The following ATP13A3 variants were observed in gnomAD, a reference collection of about 807,000 sequenced individuals.
ATP13A3 encodes ATPase 13A3.
ATP13A3 carries 59 observed loss-of-function variants against 158.1 expected under a neutral mutation model. That is an observed-to-expected ratio of 0.37 (90% CI 0.30 to 0.46). The LOEUF (loss-of-function observed/expected upper bound fraction) is 0.46, where lower values mean the gene tolerates loss of function less well. ATP13A3 is among the 20% of genes least tolerant of loss of function. The pLI, the probability that ATP13A3 is intolerant of heterozygous loss-of-function variation, is 1.00. For synonymous variants in ATP13A3, 491 were observed against 504.3 expected (o/e 0.97, Z 0.35); for missense variants, 1,166 against 1,525.2 (o/e 0.76, Z 3.92).
intron 30 of ATP13A3, among the ~76,000 whole-genome samples, chr3:194,421,362 G>C (rs1400128304): frequency 6.7e-6 from 1 of 148,324 alleles, no homozygotes; most frequent in African/African-American, 2.5e-5. Context: ...GACCATCCTG[G>C]CTAACACGGT....
At chr3:194,441,764 T>C (rs1041145048) in intron 15 of ATP13A3, among the ~76,000 whole-genome samples, 1 of 152,004 alleles carries the variant, frequency 6.6e-6, no homozygotes, top group African/African-American at 2.4e-5. Context: ...GCAAAGTGGG[T>C]AGCTGGTACT....
At position 194,434,583 on chromosome 3, in the gene ATP13A3, T is replaced by C. The variant is rs140000671; in HGVS notation, c.2121-687A>G. ...ACAAAAATAGTACGTGCTTTAGCAC[T>C]ATAAAAGAGATGAAGTCTGTTCAGT... On this transcript the variant is annotated intron_variant, in intron 20 of 33. Coordinates refer to ENST00000645319, the MANE Select transcript of ATP13A3 (RefSeq NM_001367549.1). Among the ~76,000 whole-genome samples the C allele has an allele frequency of 6.5e-3, 997 of 152,296 alleles. 3 individuals are homozygous for C. Among genetic ancestry groups the C allele is most frequent in the Non-Finnish European group, 0.01 (690 of 68,020 alleles).
At chr3:194,487,536 C>A (rs904838570), upstream of ATP13A3, 2 of 152,286 alleles carry the variant, frequency 1.3e-5, no homozygotes, top group Admixed American at 1.3e-4. Context: ...CGGCCGCAGG[C>A]GGAGGACAGG....
chr3:194,491,368 G>A (rs1023492495), upstream of ATP13A3, among the ~76,000 whole-genome samples: 1 of 152,110 alleles, frequency 6.6e-6, no homozygotes, highest in Non-Finnish European at 1.5e-5. Flanking sequence ...AAACCTGGGA[G>A]TCATTCTTTA....
chr3:194,454,481 CA>C, intron 8 of ATP13A3, 89 bp from the exon 9 acceptor site: 2 of 1,312,510 alleles, frequency 1.5e-6, no homozygotes, highest in Non-Finnish European at 2.1e-6. Context: ...CAAAAAGATA[CA>C]AATATGTACA....
chr3:194,467,747 G>A (rs1050867194), intron 2 of ATP13A3: 2 of 151,386 alleles, frequency 1.3e-5, no homozygotes, highest in African/African-American at 4.9e-5. Flanking sequence ...TTCAATGACT[G>A]AGAGGATAAA....
At position 194,404,041 on chromosome 3, in the gene ATP13A3, A is replaced by G. The variant is rs1049601965; in HGVS notation, c.*1878T>C. 1 of 437,774 alleles carries G rather than the reference A, an allele frequency of 2.3e-6. No individual in the cohort carries two copies. The highest frequency in any genetic ancestry group is 4.5e-6 in the Non-Finnish European group (1 of 221,376). 27.1% of individuals were successfully genotyped at this position (437,774 alleles called of 1,614,324 possible). A position where few individuals can be genotyped will look rare whatever the true frequency, so the allele number is the denominator to read the frequency against. ...TTTCATTATATGCTTCAGTACTTAA[A>G]CCAAAGAATAAAATGCACAATTGTG... On this transcript the variant is annotated 3_prime_UTR_variant, in exon 34 of 34. Transcript: ENST00000645319.
At chr3:194,477,993 C>T (rs556477457) in intron 2 of ATP13A3, among the ~76,000 whole-genome samples, 13 of 152,324 alleles carry the variant, frequency 8.5e-5, no homozygotes, top group African/African-American at 3.1e-4. Context: ...GAACTTAAAA[C>T]AGTGTCTTCA....
At chr3:194,464,057 A>C (rs931474447) in intron 2 of ATP13A3, among the ~76,000 whole-genome samples, 2 of 152,188 alleles carry the variant, frequency 1.3e-5, no homozygotes, top group Admixed American at 6.5e-5. Context: ...GCTACTCAGG[A>C]GGCTGAGGTG....
chr3:194,462,194 T>C lies in ATP13A3; in HGVS notation c.-4A>G. The stretch of plus-strand genomic sequence containing the variant: ...TCTTCCTTTCTTCCCTGTCCATACC[T>C]ACAGTGGATTAAAGGTCCAGTGCTT... On this transcript the variant is annotated 5_prime_UTR_variant, in exon 3 of 34. Transcript: ENST00000645319. The C allele has an allele frequency of 6.2e-7, 1 of 1,613,464 alleles. No individual in the cohort carries two copies. Among genetic ancestry groups the C allele is most frequent in the South Asian group, 1.1e-5 (1 of 91,060 alleles).
chr3:194,429,815 T>C, intron 26 of ATP13A3, 41 bp from the exon 27 acceptor site: 1 of 1,556,890 alleles, frequency 6.4e-7, no homozygotes, highest in Non-Finnish European at 8.8e-7. Context: ...AATAGAAGCA[T>C]TTTAAACTCC....
chr3:194,465,565 T>TTC (rs1719939334), intron 2 of ATP13A3, among the ~76,000 whole-genome samples: 1 of 152,174 alleles, frequency 6.6e-6, no homozygotes. Flanking sequence ...AGGAAGGGTA[T>TTC]TCGGGTTTTT....
chr3:194,417,396 G>GACACACACACACACACAC lies in ATP13A3; in HGVS notation c.3402+2465_3402+2482dup, dbSNP rs56119734. ...AGCCTGGGTACCAGAGCCAGATTCT[G>GACACACACACACACACAC]ACACACACACACACACACACACACA... On this transcript the variant is annotated intron_variant, in intron 31 of 33. Coordinates refer to ENST00000645319, the MANE Select transcript of ATP13A3 (RefSeq NM_001367549.1). Among the ~76,000 whole-genome samples the GACACACACACACACACAC allele has an allele frequency of 7.1e-4, 84 of 118,138 alleles. 1 individual carries two copies. The highest frequency in any genetic ancestry group is 2.3e-3 in the East Asian group (9 of 3,892). 77.5% of individuals were successfully genotyped at this position (118,138 alleles called of 152,430 possible).
intron 20 of ATP13A3, among the ~76,000 whole-genome samples, chr3:194,435,697 A>G (rs1717581514): frequency 1.3e-5 from 2 of 152,192 alleles, no homozygotes; most frequent in South Asian, 4.1e-4. Flanking sequence ...TCACAAGGTC[A>G]GGAGTTCGAG....
rs575503504 is a variant in ATP13A3, at chr3:194,428,647, T to C, written c.2947+198A>G. Among the ~76,000 whole-genome samples, 4 of 152,212 alleles carry C rather than the reference T, an allele frequency of 2.6e-5. No homozygotes were observed. The South Asian group carries it at 8.3e-4, about 32-fold the overall frequency. On this transcript the variant is annotated intron_variant, in intron 28 of 33. Transcript: ENST00000645319. ...TGACTCAAAACTTATTTTCAAATAT[T>C]TCAGGGAAAAAAATAGAGACAGAAC...
Position 194,462,793 on chromosome 3 carries a change from T to A in ATP13A3, c.-46-557A>T, listed in dbSNP as rs1297087581. 2.6e-5 allele frequency among the ~76,000 whole-genome samples: 4 copies of A among 152,224 alleles called. 1 individual carries two copies. The highest frequency in any genetic ancestry group is 2.1e-4 in the South Asian group (1 of 4,834). ...AAGTGCTAGCTGGTTCTAATGACAT[T>A]TTCAATGGGATACCAGTGCTTGAAT... On this transcript the variant is annotated intron_variant, in intron 2 of 33. Transcript: ENST00000645319.
At chr3:194,470,112 CTAAAT>C (rs1720234889) in intron 2 of ATP13A3, among the ~76,000 whole-genome samples, 6 of 152,086 alleles carry the variant, frequency 3.9e-5, no homozygotes, top group African/African-American at 1.2e-4. Flanking sequence ...AGGATACCAG[CTAAAT>C]TTTAACAAAG....
At chr3:194,456,545 T>C (rs1472248657) in intron 7 of ATP13A3, among the ~76,000 whole-genome samples, 1 of 152,106 alleles carries the variant, frequency 6.6e-6, no homozygotes, top group African/African-American at 2.4e-5. Flanking sequence ...TACAGAACTA[T>C]AAGAAAATTT....
At chr3:194,427,635 C>CAATA (rs72338242) in intron 28 of ATP13A3, among the ~76,000 whole-genome samples, 1,516 of 137,232 alleles carry the variant, frequency 0.011, 21 homozygotes, top group South Asian at 0.015. Flanking sequence ...CCCATCTCTA[C>CAATA]AATAAATAAA....
Sources: gnomAD v4.1 joint callset for allele counts (sites outside exome capture counted in the v4.1 genomes callset) on GRCh38, gnomAD v4.1.1 for gene constraint, MANE v1.5 for transcripts, NCBI Gene and HGNC (gene_info 2026-07-23, HGNC 2026-07-21) for gene names.